Variants in PDE1A observed in about 807,000 individuals in gnomAD.
PDE1A encodes dual specificity calcium/calmodulin-dependent 3',5'-cyclic nucleotide phosphodiesterase 1A.
In PDE1A, 35 loss-of-function variants were observed where a neutral mutation model predicts 61.7. That is an observed-to-expected ratio of 0.57 (90% CI 0.43 to 0.75). The LOEUF (loss-of-function observed/expected upper bound fraction) is 0.75, where lower values mean the gene tolerates loss of function less well. Ranked by LOEUF, PDE1A falls within the 30% of genes least tolerant of loss-of-function variation. PDE1A has a pLI of 0.00. For synonymous variants in PDE1A, 232 were observed against 213.2 expected, an observed-to-expected ratio of 1.09 and a Z score of -0.77; for missense variants, 597 against 630.6, an observed-to-expected ratio of 0.95 and a Z score of 0.57.
At chr2:182,669,766 A>T in the PDE1A span, among the ~76,000 whole-genome samples, 1 of 152,218 alleles carries the variant, frequency 6.6e-6, no homozygotes, top group African/African-American at 2.4e-5. Context: ...CGCCATGTGT[A>T]TGGTAAACAC....
At chr2:182,527,985 T>A (rs1481608469), upstream of PDE1A, among the ~76,000 whole-genome samples, 2 of 152,108 alleles carry the variant, frequency 1.3e-5, no homozygotes, top group East Asian at 3.9e-4. Context: ...TCTTTATAAA[T>A]TACCCAGTCT....
the PDE1A span, among the ~76,000 whole-genome samples, chr2:182,715,282 T>C: frequency 2.6e-5 from 4 of 152,214 alleles, no homozygotes; most frequent in African/African-American, 9.6e-5. Context: ...TTTGGAGGAC[T>C]AAATGAGTTA....
chr2:182,248,274 AAG>A (rs950937715), intron 2 of PDE1A, among the ~76,000 whole-genome samples: 5 of 152,120 alleles, frequency 3.3e-5, no homozygotes, highest in Non-Finnish European at 5.9e-5. Context: ...AAAAAGAAAA[AAG>A]CAATTCTTAA....
intron 1 of PDE1A, among the ~76,000 whole-genome samples, chr2:182,353,114 C>A (rs1208565648): frequency 6.6e-6 from 1 of 152,172 alleles, no homozygotes; most frequent in African/African-American, 2.4e-5. Context: ...ATGGATTTTA[C>A]AGCTGCAAGC....
intron 2 of PDE1A, among the ~76,000 whole-genome samples, chr2:182,448,895 G>A (rs890673017): frequency 6.6e-6 from 1 of 151,964 alleles, no homozygotes; most frequent in Non-Finnish European, 1.5e-5. Flanking sequence ...TGGGGAAACT[G>A]AGACCACAAG....
chr2:182,519,074 TCAAAC>T (rs1172288788), intron 2 of PDE1A, among the ~76,000 whole-genome samples: 1 of 152,080 alleles, frequency 6.6e-6, no homozygotes, highest in East Asian at 1.9e-4. Context: ...TGTAAAATCT[TCAAAC>T]CAACTTTCCA....
rs557510600 is a variant in PDE1A, at chr2:182,250,037, T to G, written c.168-9745A>C. On this transcript the variant is annotated intron_variant, in intron 2 of 13. Transcript: ENST00000351439. Reference sequence around the variant, plus strand: ...GTGTCCATGTCACATTTTTTGGTCATGTATGTCTGGTTTCAGGGTCTGAGT... The same window carrying G: ...GTGTCCATGTCACATTTTTTGGTCAGGTATGTCTGGTTTCAGGGTCTGAGT... 7.9e-4 allele frequency among the ~76,000 whole-genome samples: 120 copies of G among 152,338 alleles called. No homozygotes were observed. The East Asian group carries it at 0.016, about 20-fold the overall frequency.
At chr2:182,237,391 T>C (rs879613093) in intron 3 of PDE1A, among the ~76,000 whole-genome samples, 1 of 151,892 alleles carries the variant, frequency 6.6e-6, no homozygotes, top group Admixed American at 6.6e-5. Context: ...AGCAGGAGAA[T>C]CTCTTGAACT....
chr2:182,303,168 C>A (rs1695355850), intron 1 of PDE1A, among the ~76,000 whole-genome samples: 1 of 152,220 alleles, frequency 6.6e-6, no homozygotes, highest in African/African-American at 2.4e-5. Flanking sequence ...AATGGTGAAT[C>A]TTTTCCAGAT....
intron 1 of PDE1A, among the ~76,000 whole-genome samples, chr2:182,384,590 C>T (rs59883476): frequency 0.29 from 43,258 of 150,894 alleles, 6,459 homozygotes; most frequent in East Asian, 0.43. Flanking sequence ...ACTTGAACTC[C>T]AAGACAGGTT....
At chr2:182,227,041 A>C (rs1036923998) in intron 6 of PDE1A, among the ~76,000 whole-genome samples, 2 of 152,014 alleles carry the variant, frequency 1.3e-5, no homozygotes, top group Admixed American at 6.6e-5. Context: ...AAATGGATCA[A>C]CATGTCAAAG....
chr2:182,444,516 G>C (rs1423760395), intron 2 of PDE1A, among the ~76,000 whole-genome samples: 1 of 151,930 alleles, frequency 6.6e-6, no homozygotes, highest in African/African-American at 2.4e-5. Flanking sequence ...CTTGTATAAA[G>C]TAGCTTGGCA....
chr2:182,234,713 C>A (rs996452885), intron 3 of PDE1A, among the ~76,000 whole-genome samples: 1 of 152,130 alleles, frequency 6.6e-6, no homozygotes, highest in African/African-American at 2.4e-5. Context: ...AATCACCCTG[C>A]AAAATTAATG....
the PDE1A span, among the ~76,000 whole-genome samples, chr2:182,674,992 A>G: frequency 1.3e-5 from 2 of 152,214 alleles, no homozygotes; most frequent in Non-Finnish European, 2.9e-5. Context: ...GTACATGTGC[A>G]GGTTTGCTAC....
At chr2:182,343,817 C>T (rs552666933) in intron 1 of PDE1A, among the ~76,000 whole-genome samples, 80 of 151,850 alleles carry the variant, frequency 5.3e-4, no homozygotes, top group Non-Finnish European at 7.7e-4. Flanking sequence ...CAAGAATATC[C>T]AAAGACCACA....
intron 1 of PDE1A, among the ~76,000 whole-genome samples, chr2:182,391,764 C>T (rs1443339578): frequency 6.6e-6 from 1 of 152,140 alleles, no homozygotes; most frequent in African/African-American, 2.4e-5. Context: ...GGCAAAGAAG[C>T]AATCAGAATA....
At chr2:182,411,163 C>G (rs925004392) in intron 1 of PDE1A, among the ~76,000 whole-genome samples, 2 of 152,172 alleles carry the variant, frequency 1.3e-5, no homozygotes, top group Admixed American at 6.5e-5. Context: ...AACCACTGTC[C>G]TACATTAGTG....
intron 7 of PDE1A, among the ~76,000 whole-genome samples, chr2:182,217,170 G>T (rs79286508): frequency 1.2e-4 from 10 of 85,936 alleles, no homozygotes; most frequent in Middle Eastern, 5.3e-3. Flanking sequence ...AATGGGGAAA[G>T]GATTCCCTAT....
chr2:182,221,915 T>A (rs1688760286), intron 7 of PDE1A, among the ~76,000 whole-genome samples: 1 of 152,056 alleles, frequency 6.6e-6, no homozygotes. Context: ...GACCAGATGA[T>A]CTATACTGTG....
Sources: allele counts gnomAD v4.1 joint callset (sites outside exome capture counted in the v4.1 genomes callset), GRCh38; gene constraint gnomAD v4.1.1; transcripts MANE v1.5; gene names NCBI Gene and HGNC (gene_info 2026-07-23, HGNC 2026-07-21).